TMCC1: variants seen among roughly 807,000 people sequenced by gnomAD.
TMCC1 encodes transmembrane and coiled-coil domains protein 1.
In TMCC1, 15 loss-of-function variants were observed where a neutral mutation model predicts 52.4. The ratio of observed to expected loss-of-function variants is 0.29; its 90% CI spans 0.19 to 0.44. The LOEUF is 0.44. TMCC1 is among the 20% of genes least tolerant of loss of function. TMCC1 has a pLI of 1.00. For missense variants in TMCC1, 503 were observed against 806.0 expected (o/e 0.62, Z 4.55); for synonymous variants, 279 against 301.9 (o/e 0.92, Z 0.79).
chr3:129,785,867 A>G (rs2055979595), intron 4 of TMCC1, among the ~76,000 whole-genome samples: 1 of 151,702 alleles, frequency 6.6e-6, no homozygotes, highest in South Asian at 2.1e-4. Flanking sequence ...CCCAGAGAAA[A>G]TGTAAATTTA....
At chr3:129,783,257 T>C (rs1006487376) in intron 4 of TMCC1, among the ~76,000 whole-genome samples, 9 of 152,214 alleles carry the variant, frequency 5.9e-5, no homozygotes, top group Non-Finnish European at 1.2e-4. Flanking sequence ...TATCTAAATG[T>C]ACTTGCTCAT....
chr3:129,778,090 C>T (rs2055190782), intron 4 of TMCC1, among the ~76,000 whole-genome samples: 1 of 152,206 alleles, frequency 6.6e-6, no homozygotes, highest in Non-Finnish European at 1.5e-5. Context: ...TCTTCTCTAA[C>T]AGACTGCTAG....
chr3:129,834,931 T>C (rs1479614995), intron 2 of TMCC1, among the ~76,000 whole-genome samples: 4 of 152,230 alleles, frequency 2.6e-5, no homozygotes, highest in South Asian at 2.1e-4. Context: ...CCCAAAGAAA[T>C]TGATTGCCTT....
At chr3:129,813,214 G>A (rs536951804) in intron 4 of TMCC1, among the ~76,000 whole-genome samples, 25 of 152,180 alleles carry the variant, frequency 1.6e-4, no homozygotes, top group Non-Finnish European at 3.5e-4. Context: ...CTGCCAGTAG[G>A]AATGTAAATT....
intron 2 of TMCC1, among the ~76,000 whole-genome samples, chr3:129,874,534 C>T (rs961525517): frequency 2.6e-5 from 4 of 151,996 alleles, no homozygotes; most frequent in Admixed American, 2.0e-4. Flanking sequence ...ATAGCAACAC[C>T]CTATCTCTGC....
intron 4 of TMCC1, among the ~76,000 whole-genome samples, chr3:129,711,453 C>T (rs2048675723): frequency 6.6e-6 from 1 of 152,130 alleles, no homozygotes. Context: ...ATATGCTACT[C>T]CCACTTAAGG....
chr3:129,853,459 C>CA (rs1272918661), intron 2 of TMCC1, among the ~76,000 whole-genome samples: 2 of 151,416 alleles, frequency 1.3e-5, no homozygotes, highest in African/African-American at 2.4e-5. Context: ...CCTGCCTCCA[C>CA]AAAAAAATAA....
chr3:129,656,665 G>T (rs1300088494), intron 5 of TMCC1: 1 of 152,030 alleles, frequency 6.6e-6, no homozygotes, highest in African/African-American at 2.4e-5. Context: ...CCCTTTTTAC[G>T]ATGTTACTAA....
chr3:129,668,457 A>G (rs2087649427), intron 5 of TMCC1, among the ~76,000 whole-genome samples: 1 of 152,192 alleles, frequency 6.6e-6, no homozygotes, highest in South Asian at 2.1e-4. Context: ...AGAACTGAAG[A>G]AACTTGCCCA....
chr3:129,684,054 A>G (rs1387557622), intron 4 of TMCC1, among the ~76,000 whole-genome samples: 1 of 152,242 alleles, frequency 6.6e-6, no homozygotes, highest in African/African-American at 2.4e-5. Context: ...TAAGAATGTC[A>G]TCAATGTTTA....
At chr3:129,751,278 C>A (rs1275583666) in intron 4 of TMCC1, among the ~76,000 whole-genome samples, 1 of 151,966 alleles carries the variant, frequency 6.6e-6, no homozygotes, top group African/African-American at 2.4e-5. Context: ...ATCTATAATC[C>A]CAGCACTTTG....
At chr3:129,765,339 T>C (rs151317555) in intron 4 of TMCC1, among the ~76,000 whole-genome samples, 3 of 152,022 alleles carry the variant, frequency 2.0e-5, no homozygotes, top group African/African-American at 4.8e-5. Flanking sequence ...CCCTAAAAAA[T>C]AGAAAAAGAC....
intron 4 of TMCC1, among the ~76,000 whole-genome samples, chr3:129,755,459 CATAA>C (rs1295849111): frequency 6.6e-6 from 1 of 152,056 alleles, no homozygotes; most frequent in Non-Finnish European, 1.5e-5. Context: ...AAAGATAAGC[CATAA>C]ATATTTGTGT....
chr3:129,667,731 A>T (rs1201052052), intron 5 of TMCC1, among the ~76,000 whole-genome samples: 1 of 152,222 alleles, frequency 6.6e-6, no homozygotes, highest in Non-Finnish European at 1.5e-5. Flanking sequence ...CTGTCCTATT[A>T]TGTCTCCGAC....
chr3:129,794,255 G>C, intron 4 of TMCC1: 3 of 455,048 alleles, frequency 6.6e-6, no homozygotes, highest in South Asian at 4.7e-5. Flanking sequence ...AACAGTTCCA[G>C]AGAAAAAGGA....
chr3:129,757,610 C>G (rs563694541), intron 4 of TMCC1, among the ~76,000 whole-genome samples: 5 of 152,118 alleles, frequency 3.3e-5, no homozygotes, highest in Non-Finnish European at 7.3e-5. Flanking sequence ...CATTTGAGGT[C>G]TGGAGTTTGA....
At chr3:129,752,660 TCACACA>T (rs111582731) in intron 4 of TMCC1, among the ~76,000 whole-genome samples, 3 of 148,280 alleles carry the variant, frequency 2.0e-5, no homozygotes, top group Non-Finnish European at 3.0e-5. Flanking sequence ...AGCAAGACTG[TCACACA>T]CACACACACA....
At chr3:129,748,380 C>A (rs1001789967) in intron 4 of TMCC1, among the ~76,000 whole-genome samples, 1 of 152,134 alleles carries the variant, frequency 6.6e-6, no homozygotes, top group Non-Finnish European at 1.5e-5. Flanking sequence ...CTCTGCCTCC[C>A]AGGCTCAAGC....
At chr3:129,795,600 A>G (rs2056772265) in intron 4 of TMCC1, among the ~76,000 whole-genome samples, 1 of 152,236 alleles carries the variant, frequency 6.6e-6, no homozygotes, top group Non-Finnish European at 1.5e-5. Context: ...CTATTGATTT[A>G]TCAAAACAAC....
Sources: gnomAD v4.1 joint callset for allele counts (sites outside exome capture counted in the v4.1 genomes callset) on GRCh38, gnomAD v4.1.1 for gene constraint, MANE v1.5 for transcripts, NCBI Gene and HGNC (gene_info 2026-07-23, HGNC 2026-07-21) for gene names.